The following ASIC2 variants were observed in gnomAD, a reference collection of about 807,000 sequenced individuals.
The protein encoded by ASIC2 is acid-sensing ion channel 2.
In ASIC2, 25 loss-of-function variants were observed where a neutral mutation model predicts 57.3. That is an observed-to-expected ratio of 0.44 (90% CI 0.32 to 0.61). The LOEUF is 0.61. Ranked by LOEUF, ASIC2 falls within the 20% of genes least tolerant of loss-of-function variation. ASIC2 has a pLI of 0.06. For missense variants in ASIC2, 641 were observed against 738.1 expected (o/e 0.87, Z 1.52); for synonymous variants, 319 against 307.5 (o/e 1.04, Z -0.39).
chr17:33,557,545 A>G (rs528556470), intron 1 of ASIC2, among the ~76,000 whole-genome samples: 16 of 152,200 alleles, frequency 1.1e-4, no homozygotes, highest in Non-Finnish European at 2.1e-4. Context: ...TGGGAATACT[A>G]AAGAGGAACC....
At chr17:33,152,287 T>C (rs757553444) in intron 1 of ASIC2, among the ~76,000 whole-genome samples, 2 of 152,032 alleles carry the variant, frequency 1.3e-5, no homozygotes, top group Non-Finnish European at 2.9e-5. Flanking sequence ...TCAGGAAGCA[T>C]GAGGAGCCCA....
intron 1 of ASIC2, among the ~76,000 whole-genome samples, chr17:34,101,975 T>C (rs1484227387): frequency 6.6e-6 from 1 of 152,224 alleles, no homozygotes; most frequent in East Asian, 1.9e-4. Context: ...TTACATTTTA[T>C]AAACACCTAA....
chr17:33,088,888 G>T lies in ASIC2; in HGVS notation c.962C>A (p.Thr321Asn), dbSNP rs749680275. The T allele has an allele frequency of 1.2e-6, 2 of 1,613,862 alleles. No individual in the cohort carries two copies. Among genetic ancestry groups the T allele is most frequent in the Non-Finnish European group, 1.7e-6 (2 of 1,179,896 alleles). ...CCTCTGCTCCTGTGTGGCCACAAAG[G>T]TCTGGAACCCTGGAGCCACCCCAAA... is the stretch of plus-strand genomic sequence containing the variant. ...LGFGVAPGFQTFVATQEQRLT... is the reference protein window; with the variant it reads ...LGFGVAPGFQNFVATQEQRLT... Residue 321 changes from threonine to asparagine, a missense_variant, in exon 3 of 10, where the codon ACC becomes AAC. Thr to Asn is a moderately conservative substitution (Grantham distance 65). Around this residue, in one of 3 missense-constraint regions of ASIC2, gnomAD observed 252 missense variants for 319.8 expected, o/e 0.79. Coordinates refer to ENST00000225823, the MANE Select transcript of ASIC2 (RefSeq NM_183377.2).
chr17:33,903,462 T>C (rs971934627), intron 1 of ASIC2, among the ~76,000 whole-genome samples: 4 of 152,244 alleles, frequency 2.6e-5, no homozygotes, highest in African/African-American at 9.6e-5. Context: ...CAAGTAAGTT[T>C]GGAAAACACT....
intron 1 of ASIC2, among the ~76,000 whole-genome samples, chr17:33,684,314 C>A (rs1191890134): frequency 6.6e-6 from 1 of 151,894 alleles, no homozygotes; most frequent in Non-Finnish European, 1.5e-5. Flanking sequence ...CCCAGCCCGA[C>A]CCTGGGGTGG....
chr17:33,799,427 C>CTTTCTTTCTTTCTTCTTTCTTTCT (rs11439080), intron 1 of ASIC2, among the ~76,000 whole-genome samples: 2 of 84,094 alleles, frequency 2.4e-5, no homozygotes, highest in South Asian at 3.9e-4. Flanking sequence ...TTCTTTCTTT[C>CTTTCTTTCTTTCTTCTTTCTTTCT]TTCTTTCTTT....
rs564035653 is a variant in ASIC2 at position 34,131,295 on chromosome 17, G to A, written c.555+24683C>T. On this transcript the variant is annotated intron_variant, in intron 1 of 9. Transcript: ENST00000359872. ...AGGGCCATTTGGTCATGGGAATAAT[G>A]GGGATGGAAGAGAGAGAGGAGCTGG... 8.9e-5 allele frequency among the ~76,000 whole-genome samples: 13 copies of A among 146,304 alleles called. No individual in the cohort carries two copies. In the South Asian group the frequency reaches 2.6e-3, roughly 30 times the overall value.
rs145898148 is a variant in ASIC2, at chr17:33,495,406, G to A, written c.556-383339C>T. Among the ~76,000 whole-genome samples the A allele has an allele frequency of 7.0e-3, 1,072 of 152,282 alleles. 9 individuals carry two copies. The highest frequency in any genetic ancestry group is 0.024 in the African/African-American group (1,013 of 41,562). On this transcript the variant is annotated intron_variant, in intron 1 of 9. Transcript: ENST00000359872. ...CCAAGTGCCATGGCCAACTCCCATCGTTATTCTCATCTTCTCGGAAACCAA... is the reference window on the plus strand; with the variant it reads ...CCAAGTGCCATGGCCAACTCCCATCATTATTCTCATCTTCTCGGAAACCAA...
intron 1 of ASIC2, among the ~76,000 whole-genome samples, chr17:33,337,846 G>C (rs1163433478): frequency 1.3e-5 from 2 of 151,788 alleles, no homozygotes; most frequent in Non-Finnish European, 2.9e-5. Flanking sequence ...GAAAATGTAA[G>C]TGTTCCTTCT....
intron 1 of ASIC2, among the ~76,000 whole-genome samples, chr17:33,187,911 AAAAAAAAGAAAAAAAG>A (rs931909553): frequency 7.9e-5 from 12 of 151,460 alleles, no homozygotes; most frequent in African/African-American, 2.2e-4. Context: ...GGATGAAAAA[AAAAAAAAGAAAAAAAG>A]AAAAAAGAAA....
At chr17:33,799,426 T>TCTTTCTTTCTTTCTTTCTTC (rs1567719026) in intron 1 of ASIC2, among the ~76,000 whole-genome samples, 1 of 63,584 alleles carries the variant, frequency 1.6e-5, no homozygotes, top group African/African-American at 6.9e-5. Flanking sequence ...TTTCTTTCTT[T>TCTTTCTTTCTTTCTTTCTTC]CTTCTTTCTT....
intron 1 of ASIC2, among the ~76,000 whole-genome samples, chr17:33,163,466 C>G (rs754260310): frequency 5.9e-5 from 9 of 152,050 alleles, no homozygotes; most frequent in Non-Finnish European, 1.2e-4. Context: ...ACCCCTTACC[C>G]AATGTCATCT....
intron 1 of ASIC2, among the ~76,000 whole-genome samples, chr17:33,479,947 T>C (rs1296766478): frequency 6.6e-6 from 1 of 152,150 alleles, no homozygotes; most frequent in Non-Finnish European, 1.5e-5. Flanking sequence ...TGCTAAATAA[T>C]AGGGGTGATC....
At chr17:33,110,039 A>ATG (rs1177515796) in intron 2 of ASIC2, among the ~76,000 whole-genome samples, 1 of 142,780 alleles carries the variant, frequency 7.0e-6, no homozygotes, top group African/African-American at 2.7e-5. Context: ...CTGAGAGTGC[A>ATG]TGTGTGTGTC....
intron 1 of ASIC2, among the ~76,000 whole-genome samples, chr17:33,832,488 C>G (rs146302017): frequency 1.3e-5 from 2 of 152,118 alleles, no homozygotes; most frequent in African/African-American, 4.8e-5. Context: ...CAGTTCAGGA[C>G]GTTGGAGAGA....
At chr17:33,124,721 G>T (rs2092316591) in intron 1 of ASIC2, among the ~76,000 whole-genome samples, 1 of 152,096 alleles carries the variant, frequency 6.6e-6, no homozygotes, top group African/African-American at 2.4e-5. Flanking sequence ...CGATGGTTTC[G>T]GGATGATTCA....
intron 1 of ASIC2, among the ~76,000 whole-genome samples, chr17:33,432,501 C>G (rs1911455459): frequency 6.6e-6 from 1 of 151,984 alleles, no homozygotes; most frequent in Admixed American, 6.5e-5. Context: ...TGCCTTCCAG[C>G]CTGGGCAAAA....
At chr17:34,009,470 T>G (rs1209701809) in intron 1 of ASIC2, among the ~76,000 whole-genome samples, 1 of 152,220 alleles carries the variant, frequency 6.6e-6, no homozygotes, top group African/African-American at 2.4e-5. Context: ...TCTTTAATAA[T>G]TTTTTATACA....
intron 1 of ASIC2, among the ~76,000 whole-genome samples, chr17:33,937,631 A>G (rs994046639): frequency 6.6e-6 from 1 of 152,162 alleles, no homozygotes; most frequent in South Asian, 2.1e-4. Context: ...ACTTAAGGCT[A>G]TCACAAACTT....
Sources: gnomAD v4.1 joint callset for allele counts (sites outside exome capture counted in the v4.1 genomes callset) on GRCh38, gnomAD v4.1.1 for gene constraint, gnomAD v4.1.1 regional missense constraint, MANE v1.5 for transcripts, NCBI Gene and HGNC (gene_info 2026-07-23, HGNC 2026-07-21) for gene names.